MAD1L1: variants seen among roughly 807,000 people sequenced by gnomAD.
MAD1L1 encodes the protein mitotic arrest deficient 1 like 1.
In MAD1L1, 95 loss-of-function variants were observed where a neutral mutation model predicts 96.9. That is an observed-to-expected ratio of 0.98 (90% confidence interval 0.83 to 1.16). The LOEUF (loss-of-function observed/expected upper bound fraction) is 1.16, where lower values mean the gene tolerates loss of function less well. Among genes scored for constraint, MAD1L1 ranks in the 50% most tolerant of loss-of-function variants. The pLI, the probability that MAD1L1 is intolerant of heterozygous loss-of-function variation, is 0.00. For synonymous variants in MAD1L1, 473 were observed against 396.6 expected (o/e 1.19, Z -2.29); for missense variants, 1,007 against 954.4 (o/e 1.06, Z -0.73).
chr7:2,213,084 C>A, intron 10 of MAD1L1, 128 bp downstream of exon 10: 1 of 944,388 alleles, frequency 1.1e-6, no homozygotes, highest in Non-Finnish European at 1.6e-6. Flanking sequence ...CAGCCCAGGA[C>A]AAATGCCCCG....
chr7:2,200,294 C>T (rs967517031), intron 10 of MAD1L1: 2 of 152,490 alleles, frequency 1.3e-5, no homozygotes, highest in African/African-American at 2.4e-5. Flanking sequence ...TCCACATCCT[C>T]CTCAGGACTC....
chr7:2,077,140 C>A (rs1785420047), intron 11 of MAD1L1, among the ~76,000 whole-genome samples: 1 of 152,046 alleles, frequency 6.6e-6, no homozygotes, highest in African/African-American at 2.4e-5. Context: ...GGTGAGCTCG[C>A]AGCACGGTGA....
intron 11 of MAD1L1, among the ~76,000 whole-genome samples, chr7:2,120,495 G>A (rs1018973840): frequency 6.6e-6 from 1 of 152,210 alleles, no homozygotes; most frequent in African/African-American, 2.4e-5. Flanking sequence ...CTGGCACAGG[G>A]AGGAGGCACT....
At chr7:1,854,419 A>G (rs982379582) in intron 18 of MAD1L1, 2 of 457,566 alleles carry the variant, frequency 4.4e-6, no homozygotes, top group Non-Finnish European at 8.8e-6. Flanking sequence ...GCTCGTAAAC[A>G]GAGTTCACTT....
chr7:2,082,881 G>A (rs968637395), intron 11 of MAD1L1, among the ~76,000 whole-genome samples: 21 of 152,176 alleles, frequency 1.4e-4, no homozygotes, highest in Non-Finnish European at 2.8e-4. Context: ...AAGCACATTC[G>A]GCCTGTTTAT....
chr7:2,194,091 G>A (rs1190527102), intron 10 of MAD1L1, among the ~76,000 whole-genome samples: 6 of 151,900 alleles, frequency 3.9e-5, no homozygotes, highest in Non-Finnish European at 8.8e-5. Context: ...CCATGGGTGC[G>A]TGCCACCATG....
At chr7:1,953,196 G>A (rs1419120918) in intron 16 of MAD1L1, among the ~76,000 whole-genome samples, 1 of 152,198 alleles carries the variant, frequency 6.6e-6, no homozygotes, top group Non-Finnish European at 1.5e-5. Flanking sequence ...CGCACCACCT[G>A]CCTGCTGGTG....
At chr7:1,843,178 C>T (rs921048862) in intron 18 of MAD1L1, among the ~76,000 whole-genome samples, 2 of 152,184 alleles carry the variant, frequency 1.3e-5, no homozygotes, top group African/African-American at 4.8e-5. Context: ...GCCCTCGTTG[C>T]CCTACTCCTC....
chr7:2,190,416 G>C (rs934377662), intron 10 of MAD1L1, among the ~76,000 whole-genome samples: 1 of 152,140 alleles, frequency 6.6e-6, no homozygotes, highest in African/African-American at 2.4e-5. Context: ...TAAAAGCTTG[G>C]GTTAGGCAGA....
intron 10 of MAD1L1, among the ~76,000 whole-genome samples, chr7:2,157,874 G>A (rs895725802): frequency 6.6e-6 from 1 of 152,178 alleles, no homozygotes; most frequent in Non-Finnish European, 1.5e-5. Context: ...GGGTGCTCTG[G>A]GGATTAGCTA....
intron 16 of MAD1L1, among the ~76,000 whole-genome samples, chr7:1,943,982 T>G (rs188874202): frequency 7.0e-4 from 107 of 152,156 alleles, no homozygotes; most frequent in Non-Finnish European, 1.1e-3. Context: ...CAAGAAGGAA[T>G]ACACCACCGA....
intron 18 of MAD1L1, among the ~76,000 whole-genome samples, chr7:1,839,329 G>T (rs13233509): frequency 3.1e-3 from 174 of 55,498 alleles, no homozygotes; most frequent in South Asian, 0.01. Flanking sequence ...CTGCCTGGCA[G>T]GAAAGCGTCC....
intron 14 of MAD1L1, among the ~76,000 whole-genome samples, chr7:1,999,468 T>C (rs988465678): frequency 1.3e-5 from 2 of 152,094 alleles, no homozygotes; most frequent in African/African-American, 2.4e-5. Flanking sequence ...CATGACTGTG[T>C]CTGCTGGGAA....
intron 10 of MAD1L1, among the ~76,000 whole-genome samples, chr7:2,203,930 G>A (rs1792450021): frequency 6.6e-6 from 1 of 152,234 alleles, no homozygotes; most frequent in African/African-American, 2.4e-5. Flanking sequence ...GGTGACGATG[G>A]CTAGGAAGCT....
At chr7:1,947,477 C>A (rs945365702) in intron 16 of MAD1L1, among the ~76,000 whole-genome samples, 11 of 152,276 alleles carry the variant, frequency 7.2e-5, no homozygotes, top group African/African-American at 2.7e-4. Flanking sequence ...AAATGGCTCA[C>A]GGAGGAGAGC....
In MAD1L1 at chr7:1,936,674, G is replaced by T. The variant is rs759656848; in HGVS notation, c.1807+13C>A. The T allele has an allele frequency of 8.4e-6, 13 of 1,544,480 alleles. No individual in the cohort carries two copies. Among genetic ancestry groups the T allele is most frequent in the South Asian group, 7.2e-5 (6 of 83,840 alleles). ...GTCGAGGATGGCAGGGACCGGGGGT[G>T]GGGGGTGCCTACCTGCCACCTCCTT... On this transcript the variant is annotated intron_variant, in intron 17 of 18. Transcript: ENST00000265854.
chr7:1,929,830 GTC>G (rs1789344438), intron 17 of MAD1L1, among the ~76,000 whole-genome samples: 3 of 1,144 alleles, frequency 2.6e-3, no homozygotes, highest in African/African-American at 0.013. Context: ...CCCCTGCCCC[GTC>G]CCCACTGCCA....
At chr7:2,185,008 A>G (rs956393026) in intron 10 of MAD1L1, among the ~76,000 whole-genome samples, 17 of 152,228 alleles carry the variant, frequency 1.1e-4, no homozygotes, top group African/African-American at 3.9e-4. Flanking sequence ...ATCTCAAAAA[A>G]TAAATAAATA....
At chr7:2,175,491 G>A (rs1584485303) in intron 10 of MAD1L1, 2 of 76,854 alleles carry the variant, frequency 2.6e-5, no homozygotes, top group Non-Finnish European at 4.4e-5. Flanking sequence ...ATGAACCTTT[G>A]CCAAAAAAAA....
Sources: gnomAD v4.1 joint callset for allele counts (sites outside exome capture counted in the v4.1 genomes callset) on GRCh38, gnomAD v4.1.1 for gene constraint, MANE v1.5 for transcripts, NCBI Gene and HGNC (gene_info 2026-07-23, HGNC 2026-07-21) for gene names.